Variants in RBFOX1 observed in about 807,000 individuals in gnomAD.
RBFOX1 encodes the protein RNA binding fox-1 homolog 1.
RBFOX1 carries 8 observed loss-of-function variants against 57.7 expected under a neutral mutation model. That is an observed-to-expected ratio of 0.14 (90% CI 0.08 to 0.25). The LOEUF (loss-of-function observed/expected upper bound fraction) is 0.25, where lower values mean the gene tolerates loss of function less well. RBFOX1 is among the 10% of genes least tolerant of loss of function. The pLI, the probability that RBFOX1 is intolerant of heterozygous loss-of-function variation, is 1.00. For missense variants in RBFOX1, 611 were observed against 548.5 expected (o/e 1.11, Z -1.14); for synonymous variants, 326 against 222.4 (o/e 1.47, Z -4.15).
chr16:7,674,575 TAA>T lies in RBFOX1; in HGVS notation c.931-2197_931-2196del, dbSNP rs2072683818. On this transcript the variant is annotated intron_variant, in intron 13 of 15. Transcript: ENST00000550418. ...TGCTCACAAGCAAATTTCTAGATAA[TAA>T]AGTCATAAATAATATCAGAATATTG... Among the ~76,000 whole-genome samples, 5 of 152,252 alleles carry T rather than the reference TAA, an allele frequency of 3.3e-5. No individual in the cohort carries two copies. The South Asian group carries it at 1.0e-3, about 32-fold the overall frequency.
intron 4 of RBFOX1, among the ~76,000 whole-genome samples, chr16:5,873,362 C>T (rs898978536): frequency 6.6e-6 from 1 of 152,150 alleles, no homozygotes; most frequent in African/African-American, 2.4e-5. Context: ...AGGACAAGAT[C>T]CACTTGAAGA....
chr16:6,770,298 G>A (rs1461533946), intron 3 of RBFOX1, among the ~76,000 whole-genome samples: 2 of 152,250 alleles, frequency 1.3e-5, no homozygotes, highest in Non-Finnish European at 2.9e-5. Context: ...AAATCCAGTA[G>A]CAATTGAAAC....
intron 1 of RBFOX1, among the ~76,000 whole-genome samples, chr16:6,071,751 C>A (rs1240350583): frequency 6.6e-6 from 1 of 152,184 alleles, no homozygotes; most frequent in Non-Finnish European, 1.5e-5. Flanking sequence ...TGTCCCCTCC[C>A]CGTGGCTCCT....
At chr16:5,514,552 C>T (rs964368321) in intron 2 of RBFOX1, among the ~76,000 whole-genome samples, 3 of 152,134 alleles carry the variant, frequency 2.0e-5, no homozygotes, top group East Asian at 1.9e-4. Flanking sequence ...TGTGGGTACA[C>T]GAAGGAACAG....
At chr16:7,679,222 A>G (rs1372981625) in intron 14 of RBFOX1, among the ~76,000 whole-genome samples, 1 of 152,230 alleles carries the variant, frequency 6.6e-6, no homozygotes, top group Admixed American at 6.5e-5. Context: ...ACCTTTTTAT[A>G]GAAGACACGT....
intron 4 of RBFOX1, among the ~76,000 whole-genome samples, chr16:7,321,797 A>C (rs1377850576): frequency 2.0e-5 from 3 of 152,214 alleles, no homozygotes; most frequent in South Asian, 2.1e-4. Flanking sequence ...TGATGTCCCC[A>C]GGGTGTCCCA....
intron 3 of RBFOX1, among the ~76,000 whole-genome samples, chr16:6,997,120 A>G (rs1017725682): frequency 6.6e-6 from 1 of 152,146 alleles, no homozygotes. Flanking sequence ...TTTTGCCCCC[A>G]AACTTACAAC....
In RBFOX1 at chr16:6,981,042, C is replaced by CAAAAAAAAAAAAAAAAAAAAAAAAAA. The variant is rs36117809; in HGVS notation, c.-15-70998_-15-70997insAAAAAAAAAAAAAAAAAAAAAAAAAA. Among the ~76,000 whole-genome samples the CAAAAAAAAAAAAAAAAAAAAAAAAAA allele has an allele frequency of 9.7e-4, 75 of 77,404 alleles. 8 individuals carry two copies. The highest frequency in any genetic ancestry group is 4.7e-3 in the African/African-American group (59 of 12,662). 50.8% of individuals were successfully genotyped at this position (77,404 alleles called of 152,430 possible). On this transcript the variant is annotated intron_variant, in intron 3 of 15. Coordinates refer to ENST00000550418, the MANE Select transcript of RBFOX1 (RefSeq NM_018723.4). The stretch of plus-strand genomic sequence containing the variant: ...TGGGTGGCAGAGCAAGTCTCAGTCT[C>CAAAAAAAAAAAAAAAAAAAAAAAAAA]AAAAAAAAAAAAAAAAACACTAAAA...
At chr16:7,270,528 A>G (rs1488904025) in intron 4 of RBFOX1, among the ~76,000 whole-genome samples, 1 of 152,218 alleles carries the variant, frequency 6.6e-6, no homozygotes, top group Non-Finnish European at 1.5e-5. Flanking sequence ...GCAGTTTCAG[A>G]CCTTCTTGCA....
At chr16:7,129,057 G>T (rs1248882638) in intron 4 of RBFOX1, among the ~76,000 whole-genome samples, 38 of 151,934 alleles carry the variant, frequency 2.5e-4, no homozygotes, top group Non-Finnish European at 1.5e-4. Context: ...TTAACCTCGT[G>T]ATCCGCCCAC....
intron 2 of RBFOX1, among the ~76,000 whole-genome samples, chr16:6,407,355 A>G (rs1242041008): frequency 2.0e-5 from 3 of 152,102 alleles, no homozygotes; most frequent in Admixed American, 6.6e-5. Flanking sequence ...ATGTCTATGT[A>G]TATATCTATA....
chr16:6,675,490 G>C (rs547531961), intron 3 of RBFOX1, among the ~76,000 whole-genome samples: 3 of 152,138 alleles, frequency 2.0e-5, no homozygotes, highest in Admixed American at 1.3e-4. Context: ...CCTGGGCTTG[G>C]TCAGGCTTGC....
At chr16:7,559,998 G>C (rs1446061573) in intron 5 of RBFOX1, among the ~76,000 whole-genome samples, 1 of 152,226 alleles carries the variant, frequency 6.6e-6, no homozygotes, top group East Asian at 1.9e-4. Context: ...TTTGTCACCT[G>C]TGAAGGTTAT....
At chr16:7,406,630 C>A (rs947372876) in intron 4 of RBFOX1, among the ~76,000 whole-genome samples, 3 of 152,222 alleles carry the variant, frequency 2.0e-5, no homozygotes, top group Non-Finnish European at 4.4e-5. Context: ...TCTCTGCCTT[C>A]CAAAGTGACC....
chr16:6,475,361 C>G (rs757531641), intron 2 of RBFOX1, among the ~76,000 whole-genome samples: 1 of 152,114 alleles, frequency 6.6e-6, no homozygotes, highest in African/African-American at 2.4e-5. Context: ...AATGGATATT[C>G]GGTTGCAATA....
At chr16:6,528,168 G>C (rs9925034) in intron 2 of RBFOX1, among the ~76,000 whole-genome samples, 1 of 151,816 alleles carries the variant, frequency 6.6e-6, no homozygotes, top group Non-Finnish European at 1.5e-5. Context: ...CTTTGTCTTC[G>C]GCACTTTTAT....
chr16:5,359,140 G>C (rs76973482), intron 1 of RBFOX1, among the ~76,000 whole-genome samples: 2 of 152,150 alleles, frequency 1.3e-5, no homozygotes, highest in East Asian at 3.8e-4. Context: ...CAAATGTCAG[G>C]ACCTCATTCT....
intron 3 of RBFOX1, among the ~76,000 whole-genome samples, chr16:6,700,107 G>C (rs1004206596): frequency 1.3e-5 from 2 of 151,988 alleles, no homozygotes; most frequent in Non-Finnish European, 2.9e-5. Flanking sequence ...AATAAACCAG[G>C]TGGGTACCTG....
At chr16:7,062,218 C>T (rs2054536182) in intron 4 of RBFOX1, among the ~76,000 whole-genome samples, 1 of 146,488 alleles carries the variant, frequency 6.8e-6, no homozygotes. Context: ...ACTCAGGAGG[C>T]TGAGGCAGGA....
Sources: allele counts gnomAD v4.1 joint callset (sites outside exome capture counted in the v4.1 genomes callset), GRCh38; gene constraint gnomAD v4.1.1; transcripts MANE v1.5; gene names NCBI Gene and HGNC (gene_info 2026-07-23, HGNC 2026-07-21).